UHRF2: variants seen among roughly 807,000 people sequenced by gnomAD.
UHRF2 encodes ubiquitin like with PHD and ring finger domains 2.
Under a neutral mutation model 96.8 loss-of-function variants are expected in UHRF2, and 23 were observed. That is an observed-to-expected ratio of 0.24 (90% CI 0.17 to 0.34). The LOEUF is 0.34. Ranked by LOEUF, UHRF2 falls within the 10% of genes least tolerant of loss-of-function variation. The pLI is 1.00. For synonymous variants in UHRF2, 385 were observed against 332.6 expected, an observed-to-expected ratio of 1.16 and a Z score of -1.72; for missense variants, 685 against 981.5, an observed-to-expected ratio of 0.70 and a Z score of 4.04.
intron 4 of UHRF2, among the ~76,000 whole-genome samples, chr9:6,472,126 A>T (rs1029401967): frequency 1.8e-4 from 28 of 152,156 alleles, no homozygotes; most frequent in African/African-American, 6.3e-4. Flanking sequence ...CTTGGGTCCC[A>T]TTACAGTTAC....
chr9:6,505,691 C>A, intron 15 of UHRF2, among the ~76,000 whole-genome samples: 1 of 151,866 alleles, frequency 6.6e-6, no homozygotes, highest in East Asian at 1.9e-4. Context: ...ATTTTTTTTC[C>A]CCCTCTAGGG....
At chr9:6,420,738 A>T (rs545566804) in intron 1 of UHRF2, among the ~76,000 whole-genome samples, 174 bp from the exon 2 acceptor site, 2 of 151,508 alleles carry the variant, frequency 1.3e-5, no homozygotes, top group South Asian at 2.1e-4. Context: ...GAGAGAATGT[A>T]TTGGGGTCCA....
chr9:6,482,221 T>TA, intron 8 of UHRF2, 122 bp downstream of exon 8: 1 of 809,666 alleles, frequency 1.2e-6, no homozygotes, highest in Non-Finnish European at 2.0e-6. Context: ...ATGAAATATA[T>TA]TTTTTAGGAT....
At chr9:6,494,626 C>T (rs772879120) in intron 10 of UHRF2, 1 of 152,054 alleles carries the variant, frequency 6.6e-6, no homozygotes, top group Non-Finnish European at 1.5e-5. Context: ...GTAACCCAGA[C>T]CACCAGATAG....
chr9:6,495,504 T>A (rs1444239429), intron 10 of UHRF2: 2 of 152,204 alleles, frequency 1.3e-5, no homozygotes, highest in Non-Finnish European at 2.9e-5. Context: ...CAGTAGTGTA[T>A]GGTTGAATTC....
chr9:6,447,792 G>T (rs545049402), intron 3 of UHRF2, among the ~76,000 whole-genome samples: 1 of 152,262 alleles, frequency 6.6e-6, no homozygotes, highest in Admixed American at 6.5e-5. Context: ...GCCTAGTTTA[G>T]CAGGCCAGAG....
intron 3 of UHRF2, among the ~76,000 whole-genome samples, chr9:6,453,512 A>C (rs1174776757): frequency 6.6e-6 from 1 of 152,238 alleles, no homozygotes; most frequent in Non-Finnish European, 1.5e-5. Flanking sequence ...GGAATTAGAA[A>C]AGCATTAAAA....
chr9:6,416,880 ATTCT>A (rs1466503999), intron 1 of UHRF2, among the ~76,000 whole-genome samples: 2 of 152,184 alleles, frequency 1.3e-5, no homozygotes, highest in East Asian at 3.8e-4. Context: ...CTCTCTCGTC[ATTCT>A]TTCACTCCTT....
Position 6,413,424 on chromosome 9 carries a change from C to T in UHRF2, c.-67C>T, listed in dbSNP as rs911100907. On this transcript the variant is annotated 5_prime_UTR_variant, in exon 1 of 16. Transcript: ENST00000276893. ...GAGCCGCAGGGAAAGCGGCGCGGGC[C>T]GGGCGGGGCGCGGCGCCCAGAGCTC... 8 of 1,306,378 alleles carry T rather than the reference C, an allele frequency of 6.1e-6. No homozygotes were observed. In the African/African-American group the frequency reaches 1.1e-4, roughly 17 times the overall value. 80.9% of individuals were successfully genotyped at this position (1,306,378 alleles called of 1,614,324 possible). A position where few individuals can be genotyped will look rare whatever the true frequency, so the allele number is the denominator to read the frequency against.
rs1346078043 is a variant in UHRF2, at chr9:6,462,442, C to G, written c.863+1651C>G. On this transcript the variant is annotated intron_variant, in intron 4 of 15. Transcript: ENST00000276893. ...TGCTAGACTAAGGGTATAGCTCAGT[C>G]ACAGACTTCTAAACAACTTGAAACC... Among the ~76,000 whole-genome samples, 3 of 152,214 alleles carry G rather than the reference C, an allele frequency of 2.0e-5. No homozygotes were observed. In the South Asian group the frequency reaches 6.2e-4, roughly 32 times the overall value.
chr9:6,474,837 A>T (rs1276179623), intron 4 of UHRF2, among the ~76,000 whole-genome samples: 1 of 152,224 alleles, frequency 6.6e-6, no homozygotes, highest in Non-Finnish European at 1.5e-5. Context: ...TATTTGAAAG[A>T]CTTTATGAAA....
intron 4 of UHRF2, among the ~76,000 whole-genome samples, chr9:6,475,130 T>C (rs907369009): frequency 6.6e-6 from 1 of 152,214 alleles, no homozygotes; most frequent in Admixed American, 6.5e-5. Flanking sequence ...ATCTAGTCTT[T>C]AAATTTACAA....
chr9:6,458,494 T>C (rs1822319443), intron 3 of UHRF2, among the ~76,000 whole-genome samples: 1 of 151,926 alleles, frequency 6.6e-6, no homozygotes, highest in Admixed American at 6.6e-5. Context: ...CTCTATCTCC[T>C]TCAGTTCTGC....
chr9:6,490,667 T>G (rs1305449542), intron 9 of UHRF2, among the ~76,000 whole-genome samples: 1 of 152,178 alleles, frequency 6.6e-6, no homozygotes, highest in Non-Finnish European at 1.5e-5. Context: ...TATATGAAGT[T>G]TATTTTCTTG....
chr9:6,487,001 C>T (rs1463588205), intron 9 of UHRF2, 76 bp downstream of exon 9: 12 of 1,333,070 alleles, frequency 9.0e-6, no homozygotes, highest in Admixed American at 1.9e-5. Flanking sequence ...GCCTAGGATA[C>T]ATCAAATACT....
At chr9:6,445,321 T>TG in intron 3 of UHRF2, among the ~76,000 whole-genome samples, 1 of 152,188 alleles carries the variant, frequency 6.6e-6, no homozygotes, top group South Asian at 2.1e-4. Context: ...TGGAGTGCAG[T>TG]GGTATCATGT....
intron 4 of UHRF2, 108 bp from the exon 5 acceptor site, chr9:6,475,283 T>A (rs989177701): frequency 1.9e-5 from 11 of 582,494 alleles, no homozygotes; most frequent in Non-Finnish European, 3.1e-5. Flanking sequence ...TAATCTCAAT[T>A]TATAAATAGA....
At chr9:6,424,985 A>G (rs185815280) in intron 2 of UHRF2, among the ~76,000 whole-genome samples, 64 of 152,222 alleles carry the variant, frequency 4.2e-4, no homozygotes, top group Admixed American at 1.3e-3. Flanking sequence ...TTTTACATCA[A>G]TGATAACATT....
intron 2 of UHRF2, among the ~76,000 whole-genome samples, chr9:6,429,162 C>T (rs560325656): frequency 3.0e-4 from 45 of 149,602 alleles, no homozygotes; most frequent in Admixed American, 2.6e-3. Context: ...AAGACTCTGT[C>T]TCAGGAAAAA....
Sources: gnomAD v4.1 joint callset for allele counts (sites outside exome capture counted in the v4.1 genomes callset) on GRCh38, gnomAD v4.1.1 for gene constraint, MANE v1.5 for transcripts, NCBI Gene and HGNC (gene_info 2026-07-23, HGNC 2026-07-21) for gene names.